The following NRXN1 variants were observed in gnomAD, a reference collection of about 807,000 sequenced individuals.
The protein encoded by NRXN1 is neurexin 1, also known as neurexin-1.
NRXN1 carries 39 observed loss-of-function variants against 150.9 expected under a neutral mutation model. The observed-to-expected ratio is 0.26, with a 90% CI of 0.20 to 0.34. The LOEUF (loss-of-function observed/expected upper bound fraction) is 0.34, where lower values mean the gene tolerates loss of function less well. NRXN1 is among the 10% of genes least tolerant of loss of function. NRXN1 has a pLI of 1.00. For missense variants in NRXN1, 1,815 were observed against 1,949.9 expected, an observed-to-expected ratio of 0.93 and a Z score of 1.30; for synonymous variants, 924 against 757.0, an observed-to-expected ratio of 1.22 and a Z score of -3.62.
rs1668064204 is a variant in NRXN1, at chr2:49,920,797, A to G, written c.*1147T>C. 1 of 152,290 alleles carries G rather than the reference A, an allele frequency of 6.6e-6. No homozygotes were observed. The highest frequency in any genetic ancestry group is 2.4e-5 in the African/African-American group (1 of 41,298). 9.4% of individuals were successfully genotyped at this position (152,290 alleles called of 1,614,324 possible). On this transcript the variant is annotated 3_prime_UTR_variant, in exon 23 of 23. Coordinates refer to ENST00000401669, the MANE Select transcript of NRXN1 (RefSeq NM_001330078.2). Reference sequence around the variant, plus strand: ...AGTATTTCAGGGAGAAAAGATTATAAGATACATATGTATATATGTGACTTT... The same window carrying G: ...AGTATTTCAGGGAGAAAAGATTATAGGATACATATGTATATATGTGACTTT...
At chr2:50,308,989 C>T (rs996783747) in intron 17 of NRXN1, among the ~76,000 whole-genome samples, 4 of 152,120 alleles carry the variant, frequency 2.6e-5, no homozygotes, top group African/African-American at 9.7e-5. Context: ...AGGTCAGACA[C>T]GCAGGAGCTG....
chr2:50,013,985 C>G (rs1361581974), intron 21 of NRXN1, among the ~76,000 whole-genome samples: 4 of 151,848 alleles, frequency 2.6e-5, no homozygotes, highest in Non-Finnish European at 4.4e-5. Context: ...AGTAGGACCT[C>G]AAAGAAGGGA....
intron 8 of NRXN1, among the ~76,000 whole-genome samples, chr2:50,556,813 C>T (rs1244734352): frequency 6.6e-6 from 1 of 152,084 alleles, no homozygotes; most frequent in Admixed American, 6.5e-5. Context: ...AATCTCAAAG[C>T]TATTACTAAG....
chr2:49,996,805 G>T (rs1573306066), intron 21 of NRXN1, among the ~76,000 whole-genome samples: 1 of 152,150 alleles, frequency 6.6e-6, no homozygotes, highest in African/African-American at 2.4e-5. Context: ...AGAACTGTAA[G>T]CAAATTTATT....
intron 21 of NRXN1, among the ~76,000 whole-genome samples, chr2:49,984,008 A>AG: frequency 2.7e-5 from 3 of 113,024 alleles, no homozygotes; most frequent in Middle Eastern, 0.011. Context: ...ACTAAAATTA[A>AG]AAAAAAAATT....
chr2:50,018,180 A>C (rs1686958865), intron 21 of NRXN1, among the ~76,000 whole-genome samples: 1 of 152,184 alleles, frequency 6.6e-6, no homozygotes, highest in South Asian at 2.1e-4. Context: ...TTTCTTCATT[A>C]ACATACAAGT....
intron 5 of NRXN1, among the ~76,000 whole-genome samples, chr2:50,736,735 C>A (rs1272069016): frequency 6.6e-6 from 1 of 152,232 alleles, no homozygotes; most frequent in East Asian, 1.9e-4. Context: ...ACATGTGGAA[C>A]TGTTAGTTTG....
chr2:50,311,450 C>G (rs780231579), intron 17 of NRXN1, among the ~76,000 whole-genome samples: 88 of 152,180 alleles, frequency 5.8e-4, no homozygotes, highest in Admixed American at 2.3e-3. Context: ...TCTAAGGTTT[C>G]TAAATCCCCA....
At chr2:50,888,055 A>G (rs1004584234) in intron 5 of NRXN1, among the ~76,000 whole-genome samples, 1 of 151,296 alleles carries the variant, frequency 6.6e-6, no homozygotes, top group Non-Finnish European at 1.5e-5. Flanking sequence ...CCATTTCTAC[A>G]CTGAGAAACA....
chr2:50,699,568 T>A (rs1218669246), intron 5 of NRXN1, among the ~76,000 whole-genome samples: 1 of 151,996 alleles, frequency 6.6e-6, no homozygotes, highest in Non-Finnish European at 1.5e-5. Context: ...TGAAATGGAA[T>A]GAGGGCAGCC....
In NRXN1 at chr2:50,233,676, G is replaced by C. The variant is rs78328945; in HGVS notation, c.3546+3113C>G. ...CACAAATTTTCCTTGAAGTTTAATGGATAATGAATAAGTCTAACTTTTACA... is the reference window on the plus strand; with the variant it reads ...CACAAATTTTCCTTGAAGTTTAATGCATAATGAATAAGTCTAACTTTTACA... On this transcript the variant is annotated intron_variant, in intron 18 of 22. Transcript: ENST00000401669. Among the ~76,000 whole-genome samples the C allele has an allele frequency of 4.9e-4, 75 of 152,102 alleles. 8 individuals carry two copies. Among genetic ancestry groups the C allele is most frequent in the East Asian group, 3.3e-3 (17 of 5,152 alleles).
At chr2:50,591,682 C>T (rs1169939101) in intron 8 of NRXN1, among the ~76,000 whole-genome samples, 3 of 152,274 alleles carry the variant, frequency 2.0e-5, no homozygotes, top group East Asian at 1.9e-4. Context: ...AGGGGGCTGA[C>T]GACAGCGAGG....
chr2:50,742,545 T>C (rs978878447), intron 5 of NRXN1, among the ~76,000 whole-genome samples: 31 of 149,794 alleles, frequency 2.1e-4, no homozygotes, highest in African/African-American at 7.1e-4. Flanking sequence ...GAGGCGGAGG[T>C]TGCAGTGAGC....
At chr2:50,569,536 ATATG>A (rs1184062306) in intron 8 of NRXN1, among the ~76,000 whole-genome samples, 1 of 152,138 alleles carries the variant, frequency 6.6e-6, no homozygotes, top group Non-Finnish European at 1.5e-5. Flanking sequence ...ATATAAACAC[ATATG>A]TATGTGTGTA....
intron 5 of NRXN1, among the ~76,000 whole-genome samples, chr2:50,867,961 T>C (rs1320038058): frequency 2.0e-5 from 3 of 151,546 alleles, no homozygotes; most frequent in African/African-American, 7.3e-5. Flanking sequence ...TTATACTTTA[T>C]AATGACCTGA....
chr2:50,882,006 C>G (rs995645700), intron 5 of NRXN1, among the ~76,000 whole-genome samples: 1 of 151,688 alleles, frequency 6.6e-6, no homozygotes, highest in African/African-American at 2.4e-5. Context: ...GGAAGCAAAA[C>G]ATATGCTCAA....
intron 8 of NRXN1, among the ~76,000 whole-genome samples, chr2:50,610,293 A>T (rs991502343): frequency 1.1e-4 from 17 of 151,888 alleles, no homozygotes; most frequent in African/African-American, 4.1e-4. Flanking sequence ...GTGTTTTCTG[A>T]TCCTTCATCT....
At chr2:50,620,695 A>T (rs186911630) in intron 7 of NRXN1, among the ~76,000 whole-genome samples, 59 of 152,330 alleles carry the variant, frequency 3.9e-4, no homozygotes, top group Admixed American at 3.5e-3. Context: ...AAGGGAGAGA[A>T]AAGGCAAAAC....
chr2:49,961,090 G>T (rs184194178), intron 21 of NRXN1, among the ~76,000 whole-genome samples: 4 of 151,804 alleles, frequency 2.6e-5, no homozygotes, highest in Non-Finnish European at 5.9e-5. Flanking sequence ...ATTTCTAGGG[G>T]TGTATGTTCT....
Sources: allele counts gnomAD v4.1 joint callset (sites outside exome capture counted in the v4.1 genomes callset), GRCh38; gene constraint gnomAD v4.1.1; transcripts MANE v1.5; gene names NCBI Gene and HGNC (gene_info 2026-07-23, HGNC 2026-07-21).